The following CCDC148 variants were observed in gnomAD, a reference collection of about 807,000 sequenced individuals.
The protein encoded by CCDC148 is coiled-coil domain containing 148, also known as coiled-coil domain-containing protein 148.
In CCDC148, 89 loss-of-function variants were observed where a neutral mutation model predicts 85.7. That is an observed-to-expected ratio of 1.04 (90% CI 0.87 to 1.24). CCDC148 has a LOEUF of 1.24. Ranked by LOEUF, CCDC148 falls within the 50% of genes most tolerant of loss-of-function variation. CCDC148 has a pLI of 0.00. For synonymous variants in CCDC148, 230 were observed against 213.9 expected, an observed-to-expected ratio of 1.08 and a Z score of -0.66; for missense variants, 692 against 671.7, an observed-to-expected ratio of 1.03 and a Z score of -0.33.
chr2:158,283,421 A>G (rs1447384404), intron 9 of CCDC148, among the ~76,000 whole-genome samples: 1 of 151,850 alleles, frequency 6.6e-6, no homozygotes, highest in Non-Finnish European at 1.5e-5. Flanking sequence ...AAGAACTCAA[A>G]CAAATTTACA....
intron 7 of CCDC148, among the ~76,000 whole-genome samples, chr2:158,338,059 C>T (rs1333457020): frequency 6.6e-6 from 1 of 152,012 alleles, no homozygotes; most frequent in African/African-American, 2.4e-5. Flanking sequence ...TACAAAATGT[C>T]CCCTAGATGC....
intron 9 of CCDC148, among the ~76,000 whole-genome samples, chr2:158,255,209 T>C (rs1688962723): frequency 6.6e-6 from 1 of 151,470 alleles, no homozygotes; most frequent in South Asian, 2.1e-4. Context: ...CTACTTAATA[T>C]TGGAATCATG....
intron 2 of CCDC148, among the ~76,000 whole-genome samples, chr2:158,347,774 C>G (rs574843384): frequency 6.6e-6 from 1 of 151,978 alleles, no homozygotes; most frequent in Non-Finnish European, 1.5e-5. Context: ...TTGAGACAGA[C>G]GTCAATAACT....
At chr2:158,257,123 CT>C (rs1481316231) in intron 9 of CCDC148, among the ~76,000 whole-genome samples, 1 of 151,608 alleles carries the variant, frequency 6.6e-6, no homozygotes, top group Admixed American at 6.6e-5. Context: ...CATTTTCCAA[CT>C]CCCCCACCGT....
At chr2:158,355,490 G>C (rs1303922645) in intron 2 of CCDC148, among the ~76,000 whole-genome samples, 15 of 151,152 alleles carry the variant, frequency 9.9e-5, no homozygotes, top group South Asian at 2.1e-4. Flanking sequence ...TTGCTTCAAA[G>C]AGAATAAAAT....
intron 9 of CCDC148, among the ~76,000 whole-genome samples, chr2:158,256,575 A>C (rs1689020485): frequency 6.6e-6 from 1 of 151,826 alleles, no homozygotes; most frequent in Non-Finnish European, 1.5e-5. Flanking sequence ...AAATCAAAAG[A>C]AAGTTACCAT....
At chr2:158,342,924 AT>A (rs1286342701) in intron 3 of CCDC148, among the ~76,000 whole-genome samples, 2 of 152,240 alleles carry the variant, frequency 1.3e-5, no homozygotes, top group African/African-American at 4.8e-5. Flanking sequence ...AAATGTAAAT[AT>A]TAAACATAAT....
intron 1 of CCDC148, among the ~76,000 whole-genome samples, chr2:158,412,119 C>T (rs1035828662): frequency 6.6e-6 from 1 of 152,174 alleles, no homozygotes; most frequent in Non-Finnish European, 1.5e-5. Flanking sequence ...ATGGTGACAA[C>T]TACTGGGGTC....
chr2:158,359,549 G>T (rs1489487022), intron 1 of CCDC148, among the ~76,000 whole-genome samples: 1 of 152,106 alleles, frequency 6.6e-6, no homozygotes, highest in Admixed American at 6.5e-5. Context: ...AAGCAGGGTG[G>T]GGTGTCACCT....
chr2:158,192,151 A>T (rs1447999239), intron 11 of CCDC148, among the ~76,000 whole-genome samples: 1 of 152,068 alleles, frequency 6.6e-6, no homozygotes, highest in Non-Finnish European at 1.5e-5. Flanking sequence ...CCTCTTTTAA[A>T]GGAAACATGT....
chr2:158,235,577 C>G (rs1688065458), intron 10 of CCDC148, among the ~76,000 whole-genome samples: 1 of 152,164 alleles, frequency 6.6e-6, no homozygotes, highest in Admixed American at 6.5e-5. Flanking sequence ...CTATTATTAG[C>G]AAATAAGAGC....
intron 9 of CCDC148, among the ~76,000 whole-genome samples, chr2:158,252,741 T>A (rs888585476): frequency 2.0e-5 from 3 of 151,724 alleles, no homozygotes; most frequent in Non-Finnish European, 3.0e-5. Context: ...AACCTCTCTA[T>A]CTATGTTCAT....
At chr2:158,253,812 G>T (rs1165486391) in intron 9 of CCDC148, among the ~76,000 whole-genome samples, 1 of 151,584 alleles carries the variant, frequency 6.6e-6, no homozygotes, top group African/African-American at 2.4e-5. Flanking sequence ...ACTTTATAAT[G>T]AATGGATCAA....
chr2:158,251,986 A>G (rs537961405), intron 9 of CCDC148, among the ~76,000 whole-genome samples: 61 of 151,902 alleles, frequency 4.0e-4, no homozygotes, highest in Non-Finnish European at 6.5e-4. Context: ...CAGGAAACCA[A>G]TGAAACTAAT....
intron 10 of CCDC148, among the ~76,000 whole-genome samples, chr2:158,230,336 G>C (rs1687793918): frequency 6.6e-6 from 1 of 152,142 alleles, no homozygotes; most frequent in African/African-American, 2.4e-5. Flanking sequence ...ATTAGTAGAA[G>C]GTATCTTTTA....
chr2:158,310,179 G>A (rs985685805), intron 8 of CCDC148, among the ~76,000 whole-genome samples: 9 of 152,216 alleles, frequency 5.9e-5, no homozygotes, highest in South Asian at 2.1e-4. Flanking sequence ...ATCTTGCACC[G>A]CCCTTAATCC....
chr2:158,340,729 T>C (rs1376473991), intron 3 of CCDC148, 49 bp from the exon 4 acceptor site: 2 of 1,107,912 alleles, frequency 1.8e-6, no homozygotes, highest in East Asian at 2.5e-5. Flanking sequence ...AACATACATC[T>C]AGGTTTTTAA....
intron 1 of CCDC148, among the ~76,000 whole-genome samples, chr2:158,378,966 G>A (rs959878052): frequency 2.6e-5 from 4 of 152,016 alleles, no homozygotes; most frequent in Admixed American, 6.6e-5. Context: ...TGCAGCCCAC[G>A]GATCAGAAGT....
intron 1 of CCDC148, among the ~76,000 whole-genome samples, chr2:158,372,883 C>T (rs1684505602): frequency 6.6e-6 from 1 of 152,026 alleles, no homozygotes; most frequent in South Asian, 2.1e-4. Context: ...CATTCCCAAA[C>T]CATTTGCAGA....
Sources: gnomAD v4.1 joint callset for allele counts (sites outside exome capture counted in the v4.1 genomes callset) on GRCh38, gnomAD v4.1.1 for gene constraint, MANE v1.5 for transcripts, NCBI Gene and HGNC (gene_info 2026-07-23, HGNC 2026-07-21) for gene names.